Variants in DGKZ observed in about 807,000 individuals in gnomAD.
The protein encoded by DGKZ is diacylglycerol kinase zeta, also known as DAG kinase zeta.
DGKZ carries 45 observed loss-of-function variants against 142.5 expected under a neutral mutation model. The ratio of observed to expected loss-of-function variants is 0.32; its 90% CI spans 0.25 to 0.40. DGKZ has a LOEUF of 0.40. Among genes scored for constraint, DGKZ ranks in the 10% least tolerant of loss-of-function variants. The pLI is 1.00. For missense variants in DGKZ, 755 were observed against 1,306.5 expected, an observed-to-expected ratio of 0.58 and a Z score of 6.51; for synonymous variants, 442 against 527.0, an observed-to-expected ratio of 0.84 and a Z score of 2.21.
intron 25 of DGKZ, chr11:46,377,543 T>G: frequency 2.6e-6 from 1 of 391,684 alleles, no homozygotes; most frequent in Non-Finnish European, 4.6e-6. Context: ...CCAGCTCTTA[T>G]ATCCCTGTGG....
chr11:46,361,572 G>A (rs1942655694), intron 1 of DGKZ: 2 of 949,676 alleles, frequency 2.1e-6, no homozygotes, highest in Non-Finnish European at 2.5e-6. Context: ...ACAAGGGGGA[G>A]GGGGCAGAGG....
At chr11:46,333,214 G>A (rs1226777286) in exon 1 of DGKZ, 84 of 1,225,704 alleles carry the variant, frequency 6.9e-5, no homozygotes, top group Non-Finnish European at 8.6e-5. Flanking sequence ...GCGGACTGGA[G>A]ACTCGAACTT....
intron 21 of DGKZ, 33 bp from the exon 22 acceptor site, chr11:46,376,033 C>A (rs1171031788): frequency 6.2e-7 from 1 of 1,611,952 alleles, no homozygotes; most frequent in Non-Finnish European, 8.5e-7. Context: ...CTGTGGGGTG[C>A]AGCCAGCTGC....
At chr11:46,363,728 A>T (rs1942944984) in intron 1 of DGKZ, among the ~76,000 whole-genome samples, 1 of 152,130 alleles carries the variant, frequency 6.6e-6, no homozygotes, top group African/African-American at 2.4e-5. Context: ...TGTCCGGGTG[A>T]CTAATCTCCT....
chr11:46,369,873 T>C (rs921446060), intron 5 of DGKZ, 68 bp from the exon 6 acceptor site: 1 of 1,546,582 alleles, frequency 6.5e-7, no homozygotes, highest in Non-Finnish European at 8.9e-7. Context: ...TTGAGCCGTG[T>C]GGGCAGTCCT....
chr11:46,341,166 C>T (rs952737396), intron 1 of DGKZ, among the ~76,000 whole-genome samples: 1 of 152,168 alleles, frequency 6.6e-6, no homozygotes, highest in Non-Finnish European at 1.5e-5. Flanking sequence ...CCATGTCTCA[C>T]CATGGCCACT....
At chr11:46,373,198 C>A in intron 14 of DGKZ, 97 bp downstream of exon 14, 1 of 1,351,642 alleles carries the variant, frequency 7.4e-7, no homozygotes, top group South Asian at 1.5e-5. Flanking sequence ...CGTGTCTCTT[C>A]ATTTCTCCAA....
intron 1 of DGKZ, among the ~76,000 whole-genome samples, chr11:46,353,284 C>T (rs1313687685): frequency 1.3e-5 from 2 of 152,198 alleles, no homozygotes; most frequent in Non-Finnish European, 1.5e-5. Flanking sequence ...TGACATTGGG[C>T]CACTCTACTT....
chr11:46,359,330 A>G (rs902528105), intron 1 of DGKZ, among the ~76,000 whole-genome samples: 4 of 151,472 alleles, frequency 2.6e-5, no homozygotes, highest in Admixed American at 2.6e-4. Context: ...CTGTAATCCC[A>G]GCTAGTCAGG....
At chr11:46,346,105 A>G (rs1422500569), upstream of DGKZ, among the ~76,000 whole-genome samples, 2 of 152,116 alleles carry the variant, frequency 1.3e-5, no homozygotes, top group Non-Finnish European at 2.9e-5. Flanking sequence ...CCTTCTCCCA[A>G]CTTGCAGGAA....
intron 1 of DGKZ, chr11:46,365,517 C>T: frequency 1.0e-6 from 1 of 985,396 alleles, no homozygotes. Flanking sequence ...GACTGAGCAG[C>T]CTCTCTCCCA....
chr11:46,367,300 C>T lies in DGKZ; in HGVS notation c.171C>T (p.Ile57=), dbSNP rs138804845. 48 of 1,611,898 alleles carry T rather than the reference C, an allele frequency of 3.0e-5. 1 individual carries two copies. In the African/African-American group the frequency reaches 5.9e-4, roughly 20 times the overall value. ...GTCTTCTCCTCTCTAGGAAAGCCAT[C>T]ACCAAGTCGGGCCTCCAGCACCTGG... Residue 57 remains isoleucine, a synonymous_variant, in exon 2 of 31, where the codon ATC becomes ATT. Transcript: ENST00000527911. The surrounding 1 kb of genome is among the most constrained non-coding windows in gnomAD (Gnocchi z 4.1).
chr11:46,367,542 G>A lies in DGKZ; in HGVS notation c.271-110G>A. ...GGGGCAGACGGAACAGAGCAGGGTC[G>A]ATCGGGGCGCTGGAGTGGGTTTGTC... On this transcript the variant is annotated intron_variant, in intron 2 of 30. Transcript: ENST00000527911. This position sits in a 1 kb window ranked among gnomAD's most constrained non-coding sequence, Gnocchi z 4.1. 7.9e-7 allele frequency: 1 copy of A among 1,273,332 alleles called. No homozygotes were observed. Among genetic ancestry groups the A allele is most frequent in the Admixed American group, 2.3e-5 (1 of 43,782 alleles). 78.9% of individuals were successfully genotyped at this position (1,273,332 alleles called of 1,614,324 possible).
intron 4 of DGKZ, 196 bp from the exon 5 acceptor site, chr11:46,369,298 T>A (rs1943682840): frequency 1.5e-6 from 1 of 669,496 alleles, no homozygotes; most frequent in Non-Finnish European, 2.7e-6. Flanking sequence ...GAAAGATCCC[T>A]CTGGCTAGTG....
intron 25 of DGKZ, chr11:46,377,852 T>G: frequency 6.5e-6 from 2 of 308,214 alleles, no homozygotes; most frequent in Non-Finnish European, 1.2e-5. Flanking sequence ...CCCCATCCCC[T>G]TCGAATCTCA....
intron 1 of DGKZ, among the ~76,000 whole-genome samples, chr11:46,348,270 C>CT (rs1940921402): frequency 6.6e-6 from 1 of 152,242 alleles, no homozygotes; most frequent in African/African-American, 2.4e-5. Flanking sequence ...GCCCTTTGGA[C>CT]TTTCGTGGGA....
In DGKZ at chr11:46,367,728, A is replaced by G. The variant is rs1417541558; in HGVS notation, c.347A>G (p.Tyr116Cys). 1.2e-6 allele frequency: 2 copies of G among 1,613,258 alleles called. No homozygotes were observed. Among genetic ancestry groups the G allele is most frequent in the Admixed American group, 1.7e-5 (1 of 60,020 alleles). The change falls in exon 3 of 31, where the codon TAC becomes TGC. Residue 116 changes from tyrosine (Y) to cysteine (C), a missense_variant. Transcript: ENST00000527911. This position sits in a 1 kb window ranked among gnomAD's most constrained non-coding sequence, Gnocchi z 4.1. ...GACTTCTGCTACGTTGGGGAGCAGT[A>G]CTGTGTAGCCAGGATGCTGGTGAGT...
intron 1 of DGKZ, among the ~76,000 whole-genome samples, chr11:46,340,266 A>G (rs1057164082): frequency 1.3e-5 from 2 of 152,226 alleles, no homozygotes; most frequent in Non-Finnish European, 2.9e-5. Context: ...TAGGATAGGT[A>G]GTAAGGGGGC....
rs199682246 is a variant in DGKZ at position 46,366,550 on chromosome 11, C to G, written c.162-741C>G. 321 of 1,601,066 alleles carry G rather than the reference C, an allele frequency of 2.0e-4. No individual in the cohort carries two copies. The Middle Eastern group carries it at 2.3e-3, about 12-fold the overall frequency. On this transcript the variant is annotated intron_variant, in intron 1 of 30. Transcript: ENST00000527911. ...AGGTGCTCACTCCACAGCCTACCAC[C>G]GTGGGGGCCCAGCTTCTGGGTGCAC...
Sources: gnomAD v4.1 joint callset for allele counts (sites outside exome capture counted in the v4.1 genomes callset) on GRCh38, gnomAD v4.1.1 for gene constraint, Gnocchi (gnomAD v3.1) non-coding constraint, MANE v1.5 for transcripts, NCBI Gene and HGNC (gene_info 2026-07-23, HGNC 2026-07-21) for gene names.